The following EML4 variants were observed in gnomAD, a reference collection of about 807,000 sequenced individuals.
The protein encoded by EML4 is echinoderm microtubule-associated protein-like 4.
Under a neutral mutation model 129.0 loss-of-function variants are expected in EML4, and 72 were observed. The ratio of observed to expected loss-of-function variants is 0.56; its 90% CI spans 0.46 to 0.68. The LOEUF is 0.68. Ranked by LOEUF, EML4 falls within the 30% of genes least tolerant of loss-of-function variation. The probability of loss-of-function intolerance (pLI) is 0.00; values close to 1 mark genes in which losing one functional copy is unlikely to be tolerated. For synonymous variants in EML4, 532 were observed against 405.0 expected, an observed-to-expected ratio of 1.31 and a Z score of -3.77; for missense variants, 1,363 against 1,190.6, an observed-to-expected ratio of 1.14 and a Z score of -2.13.
At chr2:42,261,396 A>G in intron 4 of EML4, 102 bp downstream of exon 4, 1 of 1,057,828 alleles carries the variant, frequency 9.5e-7, no homozygotes, top group South Asian at 2.5e-5. Context: ...TGAGAGAAAA[A>G]GCTGGTGGCT....
chr2:42,235,295 CAAAA>C (rs770826722), intron 1 of EML4, among the ~76,000 whole-genome samples: 1 of 121,794 alleles, frequency 8.2e-6, no homozygotes. Flanking sequence ...AACTCCATCT[CAAAA>C]AAAAAAAAAA....
At chr2:42,201,872 A>G (rs1456591892) in intron 1 of EML4, among the ~76,000 whole-genome samples, 1 of 152,212 alleles carries the variant, frequency 6.6e-6, no homozygotes, top group Non-Finnish European at 1.5e-5. Context: ...ACTTGAGGCC[A>G]GGAGTTCAAG....
At chr2:42,237,111 A>AT in intron 1 of EML4, among the ~76,000 whole-genome samples, 1 of 151,890 alleles carries the variant, frequency 6.6e-6, no homozygotes, top group Non-Finnish European at 1.5e-5. Context: ...TAATTTTTGT[A>AT]TTTTTTGTAG....
intron 1 of EML4, among the ~76,000 whole-genome samples, chr2:42,200,218 G>A (rs540015077): frequency 4.0e-5 from 6 of 151,762 alleles, no homozygotes; most frequent in African/African-American, 7.2e-5. Context: ...CCAGCTACTC[G>A]GGAGGCTGAG....
chr2:42,199,402 C>T (rs993126417), intron 1 of EML4, among the ~76,000 whole-genome samples: 9 of 152,014 alleles, frequency 5.9e-5, no homozygotes, highest in African/African-American at 2.2e-4. Context: ...TGGAGAGTGA[C>T]TGAGAAGTTG....
intron 17 of EML4, among the ~76,000 whole-genome samples, chr2:42,309,398 C>G (rs561883040): frequency 1.4e-5 from 2 of 143,532 alleles, no homozygotes; most frequent in Non-Finnish European, 3.0e-5. Context: ...GATGACAGAG[C>G]GAGACCCTTT....
intron 3 of EML4, among the ~76,000 whole-genome samples, chr2:42,260,583 A>G (rs140975781): frequency 5.3e-5 from 8 of 152,322 alleles, no homozygotes; most frequent in African/African-American, 1.2e-4. Flanking sequence ...AGAAATTGCA[A>G]TTCTCTTTGT....
At chr2:42,241,928 A>G (rs571522922) in intron 1 of EML4, among the ~76,000 whole-genome samples, 4 of 152,014 alleles carry the variant, frequency 2.6e-5, no homozygotes, top group Non-Finnish European at 4.4e-5. Context: ...AATGCAGGCA[A>G]TTGTTAACTT....
intron 6 of EML4, among the ~76,000 whole-genome samples, chr2:42,272,127 A>G (rs567091508): frequency 7.3e-5 from 11 of 151,312 alleles, no homozygotes; most frequent in Middle Eastern, 3.4e-3. Context: ...TATATTCTAT[A>G]CTGTATTTCT....
intron 1 of EML4, among the ~76,000 whole-genome samples, chr2:42,202,692 T>C (rs923839159): frequency 2.0e-5 from 3 of 152,180 alleles, no homozygotes; most frequent in African/African-American, 7.2e-5. Context: ...GCTTTTATTC[T>C]GGCTGTGCTG....
At chr2:42,307,594 T>C (rs1668683421) in intron 17 of EML4, among the ~76,000 whole-genome samples, 1 of 152,234 alleles carries the variant, frequency 6.6e-6, no homozygotes, top group African/African-American at 2.4e-5. Flanking sequence ...ATTCTATTAC[T>C]ATCACTGACC....
chr2:42,329,589 C>A, intron 22 of EML4, 145 bp from the exon 23 acceptor site: 1 of 643,086 alleles, frequency 1.6e-6, no homozygotes, highest in Non-Finnish European at 2.7e-6. Flanking sequence ...TAGCCTTACT[C>A]CTGAGATTTG....
At chr2:42,255,555 T>C (rs1313045614) in intron 2 of EML4, among the ~76,000 whole-genome samples, 3 of 152,200 alleles carry the variant, frequency 2.0e-5, no homozygotes, top group African/African-American at 4.8e-5. Flanking sequence ...GCTACTGATA[T>C]AACAATAAGT....
At chr2:42,291,788 T>C (rs1330732162) in intron 11 of EML4, among the ~76,000 whole-genome samples, 1 of 152,178 alleles carries the variant, frequency 6.6e-6, no homozygotes, top group East Asian at 1.9e-4. Flanking sequence ...TATATAAGCA[T>C]CTATAGTTCA....
chr2:42,287,054 T>A (rs1415416253), intron 10 of EML4, among the ~76,000 whole-genome samples: 1 of 152,232 alleles, frequency 6.6e-6, no homozygotes, highest in Non-Finnish European at 1.5e-5. Context: ...ATACATACTT[T>A]TTTAGTTTCA....
At chr2:42,266,958 T>G (rs1384739056) in intron 6 of EML4, among the ~76,000 whole-genome samples, 1 of 152,166 alleles carries the variant, frequency 6.6e-6, no homozygotes, top group African/African-American at 2.4e-5. Flanking sequence ...GACAATTGCA[T>G]TTGAGTTGTC....
At chr2:42,310,018 G>T (rs2103759744) in intron 17 of EML4, among the ~76,000 whole-genome samples, 1 of 152,114 alleles carries the variant, frequency 6.6e-6, no homozygotes, top group East Asian at 1.9e-4. Context: ...ATATAGTATG[G>T]CCCAGTAGGT....
intron 1 of EML4, among the ~76,000 whole-genome samples, chr2:42,210,975 G>T (rs1351052870): frequency 6.6e-6 from 1 of 152,154 alleles, no homozygotes; most frequent in African/African-American, 2.4e-5. Context: ...TGTTAGAGAG[G>T]TATTAGGAAC....
At chr2:42,291,398 CTTTTTTTTTT>C (rs5830720) in intron 11 of EML4, among the ~76,000 whole-genome samples, 29,990 of 123,700 alleles carry the variant, frequency 0.24, 3,271 homozygotes, top group East Asian at 0.4. Flanking sequence ...ATCAAGACAC[CTTTTTTTTTT>C]TTTTTTTTTT....
Sources: gnomAD v4.1 joint callset for allele counts (sites outside exome capture counted in the v4.1 genomes callset) on GRCh38, gnomAD v4.1.1 for gene constraint, MANE v1.5 for transcripts, NCBI Gene and HGNC (gene_info 2026-07-23, HGNC 2026-07-21) for gene names.